Variants in DMBT1 observed in about 807,000 individuals in gnomAD.
The protein encoded by DMBT1 is deleted in malignant brain tumors 1, also known as scavenger receptor cysteine-rich domain-containing protein DMBT1.
In DMBT1, 198 loss-of-function variants were observed where a neutral mutation model predicts 252.9. The ratio of observed to expected loss-of-function variants is 0.78; its 90% CI spans 0.70 to 0.88. The LOEUF (loss-of-function observed/expected upper bound fraction) is 0.88. DMBT1 is among the 40% of genes least tolerant of loss of function. DMBT1 has a pLI of 0.00. For synonymous variants in DMBT1, 990 were observed against 942.7 expected (o/e 1.05, Z -0.92); for missense variants, 2,432 against 2,404.7 (o/e 1.01, Z -0.24).
chr10:122,565,969 G>A lies in DMBT1; in HGVS notation c.64G>A (p.Gly22Arg). 1.9e-6 allele frequency: 3 copies of A among 1,613,908 alleles called. No homozygotes were observed. The highest frequency in any genetic ancestry group is 2.5e-6 in the Non-Finnish European group (3 of 1,179,818). The part of the protein sequence containing the change: ...LLWGQVLSTG[G>R]WIPRTTDYAS... ...AGACGAATTTGTGTTCTTTCCAGGT[G>A]GGTGGATCCCAAGGACTACAGACTA... The change falls in exon 2 of 56, where the codon GGG (glycine) becomes AGG (arginine). Residue 22 changes from glycine (G) to arginine (R), a missense_variant and splice_region_variant. By Grantham distance (125) the Gly-to-Arg change is moderately radical. Coordinates refer to ENST00000338354, the MANE Select transcript of DMBT1 (RefSeq NM_001377530.1).
At chr10:122,592,237 A>T (rs745944936) in intron 19 of DMBT1, 35 bp from the exon 20 acceptor site, 1 of 1,581,766 alleles carries the variant, frequency 6.3e-7, no homozygotes, top group South Asian at 1.2e-5. Context: ...ACCTCATGGT[A>T]GGGATGGATA....
chr10:122,600,204 T>G, intron 27 of DMBT1, 111 bp downstream of exon 27: 1 of 1,424,618 alleles, frequency 7.0e-7, no homozygotes, highest in Non-Finnish European at 9.5e-7. Flanking sequence ...TGGGGCATAT[T>G]ATTTCTACCC....
At position 122,601,002 on chromosome 10, in the gene DMBT1, A is replaced by C; in HGVS notation, c.3322A>C (p.Thr1108Pro). ...RPTPSPDTWP[T>P]SHASTAGSES... ...GTTGCAATTTACAGACACTTGGCCA[A>C]CCTCACATGCATCAACAGCAGGTAA... Residue 1108 changes from threonine (T) to proline (P), a missense_variant, in exon 28 of 56, where the codon ACC becomes CCC. Coordinates refer to ENST00000338354, the MANE Select transcript of DMBT1 (RefSeq NM_001377530.1). 1.1e-6 allele frequency: 1 copy of C among 949,720 alleles called. No individual in the cohort carries two copies. The highest frequency in any genetic ancestry group is 1.7e-6 in the Non-Finnish European group (1 of 599,564). The allele number at this position is 949,720 out of a possible 1,614,324, so 58.8% of individuals were successfully genotyped here. A position where few individuals can be genotyped will look rare whatever the true frequency, so the allele number is the denominator to read the frequency against.
chr10:122,564,302 C>T (rs776931840), intron 1 of DMBT1, among the ~76,000 whole-genome samples: 8 of 152,190 alleles, frequency 5.3e-5, no homozygotes, highest in Non-Finnish European at 1.0e-4. Flanking sequence ...TCAGGACCCA[C>T]ATTTACAAAG....
rs556706179 is a variant in DMBT1 at position 122,598,811 on chromosome 10, A to C, written c.2994A>C (p.Gly998=). The change falls in exon 26 of 56, where the codon GGA becomes GGC. Residue 998 remains glycine, a synonymous_variant. Transcript: ENST00000338354. ...GTTTGGCCCTGAGGCTGGTGAATGG[A>C]GGTGACAGGTGTCAGGGCCGAGTGG... ...ESSLALRLVN[G]GDRCQGRVEV... 2 of 1,613,438 alleles carry C rather than the reference A, an allele frequency of 1.2e-6. No homozygotes were observed. The highest frequency in any genetic ancestry group is 8.5e-7 in the Non-Finnish European group (1 of 1,179,728).
chr10:122,624,062 TC>T (rs2098096040), intron 44 of DMBT1, among the ~76,000 whole-genome samples: 1 of 152,154 alleles, frequency 6.6e-6, no homozygotes, highest in African/African-American at 2.4e-5. Flanking sequence ...GATGGGGTGG[TC>T]CCTGTGAGCA....
intron 9 of DMBT1, 98 bp from the exon 10 acceptor site, chr10:122,579,480 T>TG: frequency 6.3e-7 from 1 of 1,588,376 alleles, no homozygotes; most frequent in African/African-American, 1.3e-5. Flanking sequence ...CCTGCCTAGG[T>TG]GACTTAGTTC....
chr10:122,564,567 CT>C (rs1483486957), intron 1 of DMBT1, among the ~76,000 whole-genome samples: 1 of 151,318 alleles, frequency 6.6e-6, no homozygotes, highest in African/African-American at 2.4e-5. Flanking sequence ...CATAGCAGAC[CT>C]TTTTGTATCA....
intron 51 of DMBT1, 111 bp downstream of exon 51, chr10:122,633,001 C>A (rs760911639): frequency 6.4e-7 from 1 of 1,554,744 alleles, no homozygotes; most frequent in South Asian, 1.2e-5. Flanking sequence ...CCAAAGTGGT[C>A]TCCCTGCAAG....
At chr10:122,563,536 G>A in intron 1 of DMBT1, among the ~76,000 whole-genome samples, 1 of 150,606 alleles carries the variant, frequency 6.6e-6, no homozygotes, top group East Asian at 2.0e-4. Flanking sequence ...GCCGTGAGCC[G>A]AGATTGTGCC....
At chr10:122,581,484 C>G (rs1245309310) in intron 11 of DMBT1, among the ~76,000 whole-genome samples, 1 of 149,976 alleles carries the variant, frequency 6.7e-6, no homozygotes, top group African/African-American at 2.5e-5. Flanking sequence ...CGAGCTTCAG[C>G]AATGGCGTCT....
chr10:122,629,871 C>A lies in DMBT1; in HGVS notation c.5700C>A (p.Phe1900Leu). 1 of 1,614,022 alleles carries A rather than the reference C, an allele frequency of 6.2e-7. No individual in the cohort carries two copies. The change falls in exon 47 of 56, where the codon TTC (phenylalanine) becomes TTA (leucine). Residue 1900 changes from phenylalanine (F) to leucine (L), a missense_variant. Coordinates refer to ENST00000338354, the MANE Select transcript of DMBT1 (RefSeq NM_001377530.1). ...CTTCAAATTGTGGTGGCTTCTTATT[C>A]TATGCCAGTGGGACATTCTCCAGCC... ...RPSSNCGGFL[F>L]YASGTFSSPS...
chr10:122,634,476 C>T lies in DMBT1; in HGVS notation c.6548+1135C>T, dbSNP rs1356919376. On this transcript the variant is annotated intron_variant, in intron 52 of 55. Coordinates refer to ENST00000338354, the MANE Select transcript of DMBT1 (RefSeq NM_001377530.1). ...TCTCTCTCTCTCTCTCTCTCTCTCT[C>T]TCTCTTTCTCTCTTTTTCTTTCTTT... Among the ~76,000 whole-genome samples the T allele has an allele frequency of 2.4e-3, 228 of 96,998 alleles. 8 individuals are homozygous for T. The highest frequency in any genetic ancestry group is 0.01 in the African/African-American group (221 of 21,180). The allele number at this position is 96,998 out of a possible 152,430, so 63.6% of individuals were successfully genotyped here.
intron 41 of DMBT1, among the ~76,000 whole-genome samples, chr10:122,618,624 G>C (rs917285470): frequency 6.6e-6 from 1 of 152,182 alleles, no homozygotes; most frequent in African/African-American, 2.4e-5. Context: ...GGCTCCCCAC[G>C]GCTCCATTTC....
At chr10:122,636,270 T>C in intron 53 of DMBT1, 71 bp downstream of exon 53, 2 of 1,366,304 alleles carry the variant, frequency 1.5e-6, no homozygotes, top group Non-Finnish European at 2.0e-6. Context: ...TCAACTGTCC[T>C]GTTGTTGTGA....
chr10:122,600,876 G>T (rs917320129), intron 27 of DMBT1, 115 bp from the exon 28 acceptor site: 9 of 692,766 alleles, frequency 1.3e-5, no homozygotes, highest in Admixed American at 2.2e-5. Context: ...GAAGCAAGTG[G>T]CAGGAACAGG....
chr10:122,570,820 C>T lies in DMBT1; in HGVS notation c.140-70C>T, dbSNP rs572630917. 1.0e-4 allele frequency: 160 copies of T among 1,550,396 alleles called. 1 individual carries two copies. In the South Asian group the frequency reaches 1.3e-3, roughly 13 times the overall value. On this transcript the variant is annotated intron_variant, in intron 3 of 55. Coordinates refer to ENST00000338354, the MANE Select transcript of DMBT1 (RefSeq NM_001377530.1). Reference sequence around the variant, plus strand: ...TTTCCAGCCCTTGCTTCAGAGCTGACGAAGCCATGGACCAACCCTCCCCAA... The same window carrying T: ...TTTCCAGCCCTTGCTTCAGAGCTGATGAAGCCATGGACCAACCCTCCCCAA...
At position 122,565,996 on chromosome 10, in the gene DMBT1, G is replaced by C; in HGVS notation, c.91G>C (p.Ala31Pro). 5 of 1,613,880 alleles carry C rather than the reference G, an allele frequency of 3.1e-6. No homozygotes were observed. The highest frequency in any genetic ancestry group is 3.4e-6 in the Non-Finnish European group (4 of 1,179,824). Residue 31 changes from alanine (A) to proline (P), a missense_variant and splice_region_variant, in exon 2 of 56, where the codon GCT (alanine) becomes CCT (proline). Physicochemically the swap from Ala to Pro is conservative, Grantham distance 27 (BLOSUM62 -1). Coordinates refer to ENST00000338354, the MANE Select transcript of DMBT1 (RefSeq NM_001377530.1). ...GTGGATCCCAAGGACTACAGACTAC[G>C]GTAAGACCTTTTCTTCACTCCTCTT... ...GGWIPRTTDY[A>P]SLIPSEVPLD...
At chr10:122,635,384 G>A (rs2098218315) in intron 52 of DMBT1, among the ~76,000 whole-genome samples, 1 of 152,152 alleles carries the variant, frequency 6.6e-6, no homozygotes, top group African/African-American at 2.4e-5. Flanking sequence ...TCTAAATCAG[G>A]ATGCGAGCCC....
Sources: allele counts gnomAD v4.1 joint callset (sites outside exome capture counted in the v4.1 genomes callset), GRCh38; gene constraint gnomAD v4.1.1; transcripts MANE v1.5; gene names NCBI Gene and HGNC (gene_info 2026-07-23, HGNC 2026-07-21).